Variants in RUNX3 observed in about 807,000 individuals in gnomAD.
RUNX3 encodes the protein RUNX family transcription factor 3.
Under a neutral mutation model 27.7 loss-of-function variants are expected in RUNX3, and 10 were observed. The ratio of observed to expected loss-of-function variants is 0.36; its 90% CI spans 0.22 to 0.61. The LOEUF (loss-of-function observed/expected upper bound fraction) is 0.61. Among genes scored for constraint, RUNX3 ranks in the 20% least tolerant of loss-of-function variants. The pLI is 0.72. For synonymous variants in RUNX3, 270 were observed against 269.2 expected (o/e 1.00, Z -0.03); for missense variants, 469 against 629.5 (o/e 0.75, Z 2.73).
chr1:24,926,232 A>G (rs115981981), intron 2 of RUNX3, among the ~76,000 whole-genome samples: 2,458 of 152,320 alleles, frequency 0.016, 73 homozygotes, highest in African/African-American at 0.056. Flanking sequence ...CTGTCCTCTC[A>G]GGGTTGGGAT....
At position 24,923,988 on chromosome 1, in the gene RUNX3, C is replaced by T. The variant is rs781164583; in HGVS notation, c.439+3586G>A. Reference sequence around the variant, plus strand: ...CACTGCCAGCGTTAGGGGTGGGGTGCGTGTATGTGGTGGGGGATGCCAGCA... The same window carrying T: ...CACTGCCAGCGTTAGGGGTGGGGTGTGTGTATGTGGTGGGGGATGCCAGCA... On this transcript the variant is annotated intron_variant, in intron 2 of 4. Transcript: ENST00000308873. The surrounding 1 kb of genome is among the most constrained non-coding windows in gnomAD (Gnocchi z 5.9). Among the ~76,000 whole-genome samples, 1 of 152,024 alleles carries T rather than the reference C, an allele frequency of 6.6e-6. No homozygotes were observed. Among genetic ancestry groups the T allele is most frequent in the Non-Finnish European group, 1.5e-5 (1 of 68,008 alleles).
upstream of RUNX3, among the ~76,000 whole-genome samples, chr1:24,933,149 A>C (rs1238764861): frequency 6.6e-6 from 1 of 152,168 alleles, no homozygotes; most frequent in Non-Finnish European, 1.5e-5. Flanking sequence ...ATACCAGACA[A>C]GGGGCAGGTG....
chr1:24,919,536 G>T, intron 2 of RUNX3, 192 bp from the exon 3 acceptor site: 1 of 495,442 alleles, frequency 2.0e-6, no homozygotes, highest in South Asian at 2.4e-5. Flanking sequence ...AGGCCCCTGG[G>T]GGTCTGACGC....
upstream of RUNX3, among the ~76,000 whole-genome samples, chr1:24,932,030 G>C (rs1355240962): frequency 1.3e-5 from 2 of 152,240 alleles, no homozygotes. Context: ...TGGCCAGGTA[G>C]GGCCCTGGCC....
intron 2 of RUNX3, among the ~76,000 whole-genome samples, chr1:24,942,392 G>C (rs1331113940): frequency 2.0e-5 from 3 of 152,178 alleles, no homozygotes; most frequent in Non-Finnish European, 4.4e-5. Flanking sequence ...AAATAAATAA[G>C]CACGCCAATA....
intron 3 of RUNX3, among the ~76,000 whole-genome samples, chr1:24,918,591 TCAG>T (rs202140039): frequency 0.014 from 2,138 of 150,410 alleles, 27 homozygotes; most frequent in African/African-American, 0.025. Context: ...ATTCATTCAG[TCAG>T]TCAGTCAGTC....
chr1:24,922,043 C>T (rs552856862), intron 2 of RUNX3, among the ~76,000 whole-genome samples: 9 of 152,202 alleles, frequency 5.9e-5, no homozygotes, highest in Admixed American at 2.0e-4. Context: ...CTGGACCTCC[C>T]GGGCTCAAGT....
At position 24,927,567 on chromosome 1, in the gene RUNX3, C is replaced by T. The variant is rs1489897473; in HGVS notation, c.439+7G>A. ...TGCTGAAATGGCGAGGCCTCCCTTC[C>T]ACTTACCTCGCCCACTGCGGCCCAC... On this transcript the variant is annotated splice_region_variant and intron_variant, in intron 2 of 4. Transcript: ENST00000308873. The surrounding 1 kb of genome is among the most constrained non-coding windows in gnomAD (Gnocchi z 5.0). The T allele has an allele frequency of 1.2e-6, 2 of 1,613,858 alleles. No homozygotes were observed. Among genetic ancestry groups the T allele is most frequent in the East Asian group, 2.2e-5 (1 of 44,902 alleles).
At chr1:24,919,400 CCT>C in intron 2 of RUNX3, 56 bp from the exon 3 acceptor site, 1 of 1,149,118 alleles carries the variant, frequency 8.7e-7, no homozygotes, top group East Asian at 2.4e-5. Flanking sequence ...TCCACAATAC[CCT>C]GCTCTCCCAC....
At chr1:24,934,565 T>C (rs754444684), upstream of RUNX3, among the ~76,000 whole-genome samples, 2 of 152,170 alleles carry the variant, frequency 1.3e-5, no homozygotes, top group Non-Finnish European at 2.9e-5. Flanking sequence ...GCTGAGGCTT[T>C]ACCTTGTGCC....
chr1:24,911,012 G>T lies in RUNX3; in HGVS notation c.545-3595C>A, dbSNP rs150972362. Among the ~76,000 whole-genome samples the T allele has an allele frequency of 6.0e-3, 914 of 152,342 alleles. 5 individuals carry two copies. The highest frequency in any genetic ancestry group is 0.017 in the Middle Eastern group (5 of 294). On this transcript the variant is annotated intron_variant, in intron 3 of 4. Transcript: ENST00000308873. ...TGCTACCCTGAGGAGGGCAGGCCCA[G>T]TACGGCCAGAGCTTCCAATTCCAGA...
At position 24,935,958 on chromosome 1, in the gene RUNX3, G is replaced by A. The variant is rs1049916294; in HGVS notation, c.59-6106C>T. 2.3e-4 allele frequency among the ~76,000 whole-genome samples: 35 copies of A among 152,262 alleles called. No individual in the cohort carries two copies. The Middle Eastern group carries it at 0.01, about 44-fold the overall frequency. Reference sequence around the variant, plus strand: ...GAGCCCTTCCAGCACCCCACTCCTCGATCAGGGAGGGGCTGTCTGCACTCT... The same window carrying A: ...GAGCCCTTCCAGCACCCCACTCCTCAATCAGGGAGGGGCTGTCTGCACTCT... On this transcript the variant is annotated intron_variant, in intron 2 of 6. Coordinates refer to the RUNX3 transcript ENST00000338888.
At chr1:24,930,426 C>T (rs1641199528), upstream of RUNX3, 1 of 173,646 alleles carries the variant, frequency 5.8e-6, no homozygotes, top group East Asian at 1.9e-4. The surrounding 1 kb of genome is among the most constrained non-coding windows in gnomAD (Gnocchi z 4.1). Flanking sequence ...CCGGAGGCCG[C>T]CCAACGGGGA....
chr1:24,937,350 GCC>G (rs554819521), intron 2 of RUNX3, among the ~76,000 whole-genome samples: 2 of 152,128 alleles, frequency 1.3e-5, no homozygotes, highest in East Asian at 3.8e-4. Flanking sequence ...TTTGTACTGG[GCC>G]CCCCAAATTA....
At chr1:24,944,264 T>A (rs1327191615) in intron 2 of RUNX3, among the ~76,000 whole-genome samples, 1 of 152,030 alleles carries the variant, frequency 6.6e-6, no homozygotes, top group African/African-American at 2.4e-5. Flanking sequence ...TGCCCCTCCC[T>A]CACCCTGCTC....
intron 2 of RUNX3, among the ~76,000 whole-genome samples, chr1:24,959,043 G>T (rs999227638): frequency 6.6e-6 from 1 of 152,232 alleles, no homozygotes; most frequent in Non-Finnish European, 1.5e-5. Context: ...GCAAGGCCGG[G>T]GTCAGAGGCT....
chr1:24,931,013 G>A (rs1014700435), upstream of RUNX3, among the ~76,000 whole-genome samples: 1 of 152,244 alleles, frequency 6.6e-6, no homozygotes, highest in Non-Finnish European at 1.5e-5. Context: ...AGGCCTCGCG[G>A]CGTCGTTCTT....
intron 2 of RUNX3, among the ~76,000 whole-genome samples, chr1:24,955,951 T>C (rs954509749): frequency 6.6e-6 from 1 of 152,228 alleles, no homozygotes; most frequent in African/African-American, 2.4e-5. Context: ...CCACCTCACA[T>C]CCTAAGTCCG....
chr1:24,928,836 C>A, intron 1 of RUNX3: 1 of 349,628 alleles, frequency 2.9e-6, no homozygotes. Context: ...GCAGCACCAC[C>A]CCCAGCCGCC....
Sources: gnomAD v4.1 joint callset for allele counts (sites outside exome capture counted in the v4.1 genomes callset) on GRCh38, gnomAD v4.1.1 for gene constraint, Gnocchi (gnomAD v3.1) non-coding constraint, MANE v1.5 for transcripts, NCBI Gene and HGNC (gene_info 2026-07-23, HGNC 2026-07-21) for gene names.